The following POF1B variants were observed in gnomAD, a reference collection of about 807,000 sequenced individuals.
The protein encoded by POF1B is protein POF1B.
A neutral mutation model predicts 55.3 loss-of-function variants in POF1B; 53 were observed. The ratio of observed to expected loss-of-function variants is 0.96; its 90% CI spans 0.77 to 1.20. The LOEUF (loss-of-function observed/expected upper bound fraction) is 1.20. Among genes scored for constraint, POF1B ranks in the 50% most tolerant of loss-of-function variants. The pLI, the probability that POF1B is intolerant of heterozygous loss-of-function variation, is 0.00. For missense variants in POF1B, 478 were observed against 420.5 expected (o/e 1.14, Z -1.20); for synonymous variants, 188 against 148.3 (o/e 1.27, Z -1.95).
chrX:85,373,848 G>C (rs1933876715), intron 2 of POF1B, among the ~76,000 whole-genome samples: 1 of 111,196 alleles, frequency 9.0e-6, no homozygotes, highest in Non-Finnish European at 1.9e-5. Context: ...TGAGGGTGAG[G>C]AGCAGGAGCA....
chrX:85,304,781 G>A (rs567880668), intron 13 of POF1B, among the ~76,000 whole-genome samples: 1 of 110,938 alleles, frequency 9.0e-6, no homozygotes, highest in South Asian at 3.7e-4. Flanking sequence ...TAATAATTAA[G>A]GAAATAGCAA....
At chrX:85,357,963 T>A (rs1240454039) in intron 4 of POF1B, among the ~76,000 whole-genome samples, 1 of 111,203 alleles carries the variant, frequency 9.0e-6, no homozygotes, top group Non-Finnish European at 1.9e-5. Context: ...CACTTTTCAA[T>A]CACTCTAAGT....
chrX:85,310,934 ATTTTT>A (rs1932682863), intron 9 of POF1B, among the ~76,000 whole-genome samples: 1 of 112,050 alleles, frequency 8.9e-6, no homozygotes, highest in Admixed American at 9.5e-5. Flanking sequence ...CTAGGATACT[ATTTTT>A]TAAGTACTAA....
At chrX:85,364,119 C>T (rs1464955346) in intron 3 of POF1B, among the ~76,000 whole-genome samples, 1 of 110,686 alleles carries the variant, frequency 9.0e-6, no homozygotes, top group African/African-American at 3.3e-5. Flanking sequence ...CATCCCTTTA[C>T]TTTTAGCCTA....
At chrX:85,360,307 C>A (rs1043741619) in intron 3 of POF1B, among the ~76,000 whole-genome samples, 12 of 106,043 alleles carry the variant, frequency 1.1e-4, no homozygotes, top group African/African-American at 4.2e-4. Context: ...CTCTCCCTCC[C>A]CCAACCCTGC....
chrX:85,318,061 G>A (rs925431645), intron 7 of POF1B, among the ~76,000 whole-genome samples: 4 of 110,832 alleles, frequency 3.6e-5, no homozygotes, highest in Admixed American at 1.9e-4. Context: ...CACATACTGG[G>A]GCCTATTAAA....
At chrX:85,350,439 A>G (rs1477917341) in intron 5 of POF1B, among the ~76,000 whole-genome samples, 3 of 111,029 alleles carry the variant, frequency 2.7e-5, no homozygotes, top group Non-Finnish European at 5.7e-5. Flanking sequence ...TCATTGTTGG[A>G]CATTTGGGTT....
At chrX:85,311,168 A>G (rs1046493781) in intron 9 of POF1B, among the ~76,000 whole-genome samples, 4 of 111,785 alleles carry the variant, frequency 3.6e-5, no homozygotes, top group South Asian at 7.5e-4. Context: ...AAGCAAAAAT[A>G]TGGTAAATAC....
Position 85,312,164 on chromosome X carries a change from A to C in POF1B, c.957+2268T>G, listed in dbSNP as rs1042044389. Reference sequence around the variant, plus strand: ...GATAATAGTTTCTTTTGCTGTGCAGAAGCTCTTTAGTTTAATTAGATCCCA... The same window carrying C: ...GATAATAGTTTCTTTTGCTGTGCAGCAGCTCTTTAGTTTAATTAGATCCCA... On this transcript the variant is annotated intron_variant, in intron 9 of 16. Coordinates refer to ENST00000262753, the MANE Select transcript of POF1B (RefSeq NM_024921.4). Among the ~76,000 whole-genome samples the C allele has an allele frequency of 9.0e-5, 10 of 111,710 alleles. No homozygotes were observed. The Admixed American group carries it at 9.5e-4, about 11-fold the overall frequency.
intron 7 of POF1B, among the ~76,000 whole-genome samples, chrX:85,322,466 C>G (rs1056556925): frequency 8.9e-6 from 1 of 111,759 alleles, no homozygotes; most frequent in African/African-American, 3.3e-5. Context: ...AAGACTTAAA[C>G]ATTAGACCTA....
chrX:85,371,401 G>T (rs1933819079), intron 2 of POF1B, among the ~76,000 whole-genome samples: 1 of 111,278 alleles, frequency 9.0e-6, no homozygotes, highest in African/African-American at 3.3e-5. Flanking sequence ...ATGTTACATA[G>T]ATCATTCTCT....
At chrX:85,292,367 G>A (rs186399687) in intron 15 of POF1B, among the ~76,000 whole-genome samples, 4 of 111,771 alleles carry the variant, frequency 3.6e-5, no homozygotes, top group East Asian at 2.8e-4. Context: ...TTGCATTGAT[G>A]TTCATCAAGG....
Position 85,379,469 on chromosome X carries a change from C to T in POF1B, c.-15G>A. ...CTCGAGCTCATCTTCTTCCAGTGGT[C>T]AGCAAGGGACCTCCCAGATGTTCTA... On this transcript the variant is annotated 5_prime_UTR_variant, in exon 2 of 17. Coordinates refer to ENST00000262753, the MANE Select transcript of POF1B (RefSeq NM_024921.4). 1.7e-6 allele frequency: 2 copies of T among 1,204,018 alleles called. No homozygotes were observed. The highest frequency in any genetic ancestry group is 1.1e-6 in the Non-Finnish European group (1 of 892,343).
At chrX:85,361,340 T>C (rs1007933822) in intron 3 of POF1B, among the ~76,000 whole-genome samples, 3 of 111,765 alleles carry the variant, frequency 2.7e-5, no homozygotes, top group African/African-American at 9.8e-5. Context: ...GAGTTTGGGG[T>C]TTTACATTTA....
chrX:85,335,819 C>T (rs950605005), intron 6 of POF1B, among the ~76,000 whole-genome samples: 6 of 110,386 alleles, frequency 5.4e-5, no homozygotes, highest in Admixed American at 2.9e-4. Flanking sequence ...GGGTATCAAT[C>T]ACCTTAAGTA....
chrX:85,307,841 T>G (rs757746745), intron 10 of POF1B, among the ~76,000 whole-genome samples: 1 of 112,169 alleles, frequency 8.9e-6, no homozygotes, highest in Non-Finnish European at 1.9e-5. Flanking sequence ...TGAGTCAGAT[T>G]ATTTTAACTT....
Position 85,330,963 on chromosome X carries a change from C to T in POF1B, c.840G>A (p.Gln280=). Residue 280 remains glutamine, a synonymous_variant, in exon 7 of 17, where the codon CAG becomes CAA. Transcript: ENST00000262753. ...DLYHCLLEHL[Q]RIGGSKQDFE... ...GTTTACAGTACCTTCCTCCAATTCT[C>T]TGCAAATGTTCTAATAAGCAGTGAT... is the stretch of plus-strand genomic sequence containing the variant. 8.4e-7 allele frequency: 1 copy of T among 1,191,330 alleles called. No homozygotes were observed.
intron 7 of POF1B, among the ~76,000 whole-genome samples, chrX:85,319,333 C>T (rs923474670): frequency 9.0e-6 from 1 of 111,331 alleles, no homozygotes; most frequent in Non-Finnish European, 1.9e-5. Flanking sequence ...GTTTGACTTC[C>T]TTTCTTCCTG....
At chrX:85,372,689 T>A (rs1933849326) in intron 2 of POF1B, among the ~76,000 whole-genome samples, 1 of 104,493 alleles carries the variant, frequency 9.6e-6, no homozygotes, top group African/African-American at 3.4e-5. Flanking sequence ...AAAACTGCCC[T>A]TTCTGCACAT....
Sources: allele counts gnomAD v4.1 joint callset (sites outside exome capture counted in the v4.1 genomes callset), GRCh38; gene constraint gnomAD v4.1.1; transcripts MANE v1.5; gene names NCBI Gene and HGNC (gene_info 2026-07-23, HGNC 2026-07-21).